CRTAP: variants seen among roughly 807,000 people sequenced by gnomAD.
CRTAP encodes cartilage-associated protein.
Under a neutral mutation model 42.7 loss-of-function variants are expected in CRTAP, and 33 were observed. The ratio of observed to expected loss-of-function variants is 0.77; its 90% CI spans 0.59 to 1.03. The LOEUF (loss-of-function observed/expected upper bound fraction) is 1.03, where lower values mean the gene tolerates loss of function less well. Ranked by LOEUF, CRTAP falls within the 50% of genes least tolerant of loss-of-function variation. CRTAP has a pLI of 0.00. For missense variants in CRTAP, 613 were observed against 533.9 expected, an observed-to-expected ratio of 1.15 and a Z score of -1.46; for synonymous variants, 243 against 217.7, an observed-to-expected ratio of 1.12 and a Z score of -1.02.
Position 33,125,576 on chromosome 3 carries a change from G to C in CRTAP, c.793+997G>C, listed in dbSNP as rs1408981915. ...ACATACACAAAAAACAGAGAGAAGA[G>C]TAGATAAACCACCATGTACCCATGA... On this transcript the variant is annotated intron_variant, in intron 3 of 6. Transcript: ENST00000320954. Among the ~76,000 whole-genome samples the C allele has an allele frequency of 1.2e-4, 16 of 131,702 alleles. 1 individual carries two copies. Among genetic ancestry groups the C allele is most frequent in the Admixed American group, 9.6e-4 (11 of 11,430 alleles). The allele number at this position is 131,702 out of a possible 152,430, so 86.4% of individuals were successfully genotyped here. A position where few individuals can be genotyped will look rare whatever the true frequency, so the allele number is the denominator to read the frequency against.
Position 33,144,599 on chromosome 3 carries a change from T to G in CRTAP, c.*2151T>G, listed in dbSNP as rs2030671800. 6.6e-6 allele frequency: 1 copy of G among 152,236 alleles called. No individual in the cohort carries two copies. The highest frequency in any genetic ancestry group is 2.1e-4 in the South Asian group (1 of 4,814). 9.4% of individuals were successfully genotyped at this position (152,236 alleles called of 1,614,324 possible). A position where few individuals can be genotyped will look rare whatever the true frequency, so the allele number is the denominator to read the frequency against. On this transcript the variant is annotated 3_prime_UTR_variant, in exon 7 of 7. Coordinates refer to ENST00000320954, the MANE Select transcript of CRTAP (RefSeq NM_006371.5). ...GGCATCTGGCAGCTACCATGCATGG[T>G]AGTGTGTTGGGGGTGGGGGTCCTGG...
At chr3:33,142,343 T>A in intron 6 of CRTAP, 52 bp from the exon 7 acceptor site, 1 of 1,518,204 alleles carries the variant, frequency 6.6e-7, no homozygotes, top group Non-Finnish European at 9.2e-7. Context: ...TCATCAGTAC[T>A]TTTAAAAGTC....
intron 1 of CRTAP, 152 bp from the exon 2 acceptor site, chr3:33,120,192 C>A: frequency 1.4e-6 from 1 of 739,238 alleles, no homozygotes; most frequent in South Asian, 1.5e-5. Flanking sequence ...AGTGCCTGGA[C>A]TTGGTCTTGA....
Position 33,132,550 on chromosome 3 carries a change from C to T in CRTAP, c.923-5C>T, listed in dbSNP as rs2030296394. On this transcript the variant is annotated splice_polypyrimidine_tract_variant and splice_region_variant and intron_variant, in intron 4 of 6. Transcript: ENST00000320954. Reference sequence around the variant, plus strand: ...TCTTCATTTGTCTTTTCTTCCCAACCCTAGTGAACGACCTGAAGAATGCAG... The same window carrying T: ...TCTTCATTTGTCTTTTCTTCCCAACTCTAGTGAACGACCTGAAGAATGCAG... 1.2e-6 allele frequency: 2 copies of T among 1,613,938 alleles called. No homozygotes were observed. The highest frequency in any genetic ancestry group is 1.7e-5 in the Admixed American group (1 of 60,016).
chr3:33,123,421 A>T (rs2029953223), intron 2 of CRTAP, among the ~76,000 whole-genome samples: 1 of 150,402 alleles, frequency 6.6e-6, no homozygotes, highest in Non-Finnish European at 1.5e-5. Flanking sequence ...TTATCATGAG[A>T]CCTAGTTGTT....
At chr3:33,140,873 C>T (rs2030551709) in intron 6 of CRTAP, among the ~76,000 whole-genome samples, 2 of 152,204 alleles carry the variant, frequency 1.3e-5, no homozygotes, top group African/African-American at 4.8e-5. Context: ...CGCCTGCTCC[C>T]ATGGGGGACT....
Position 33,114,027 on chromosome 3 carries a change from CT to C in CRTAP, c.-50del. On this transcript the variant is annotated 5_prime_UTR_variant, in exon 1 of 7. Transcript: ENST00000320954. ...ACCGTCCTCTTTCCTTTCCTTCTCC[CT>C]CCCCTTTTCCCTTCCTTCGTCCCTT... 1 of 1,350,938 alleles carries C rather than the reference CT, an allele frequency of 7.4e-7. No homozygotes were observed. The highest frequency in any genetic ancestry group is 9.7e-7 in the Non-Finnish European group (1 of 1,027,096). 83.7% of individuals were successfully genotyped at this position (1,350,938 alleles called of 1,614,324 possible). A position where few individuals can be genotyped will look rare whatever the true frequency, so the allele number is the denominator to read the frequency against.
intron 3 of CRTAP, among the ~76,000 whole-genome samples, chr3:33,129,389 A>G (rs966631599): frequency 6.6e-6 from 1 of 152,072 alleles, no homozygotes; most frequent in African/African-American, 2.4e-5. Context: ...GTGTCTCTCA[A>G]TGTTTTTTAG....
chr3:33,136,270 T>G (rs1350578980), intron 6 of CRTAP, among the ~76,000 whole-genome samples: 1 of 152,262 alleles, frequency 6.6e-6, no homozygotes, highest in Non-Finnish European at 1.5e-5. Flanking sequence ...TTCTTTTGGA[T>G]GTACCGCATT....
chr3:33,135,421 G>A (rs2030391515), intron 6 of CRTAP, among the ~76,000 whole-genome samples: 1 of 152,166 alleles, frequency 6.6e-6, no homozygotes, highest in Admixed American at 6.5e-5. Flanking sequence ...GAGACCAGGA[G>A]TTCAAGACCA....
At chr3:33,121,561 T>C (rs2029880222) in intron 2 of CRTAP, among the ~76,000 whole-genome samples, 1 of 152,100 alleles carries the variant, frequency 6.6e-6, no homozygotes, top group Non-Finnish European at 1.5e-5. Flanking sequence ...AAGTCTCTTT[T>C]TGGGGGTATC....
intron 6 of CRTAP, among the ~76,000 whole-genome samples, chr3:33,134,753 T>C (rs2030373127): frequency 6.6e-6 from 1 of 152,236 alleles, no homozygotes; most frequent in Non-Finnish European, 1.5e-5. Flanking sequence ...CAACTGGTTA[T>C]GGAGTGGTCA....
chr3:33,120,970 CGAA>C (rs1301499606), intron 2 of CRTAP, among the ~76,000 whole-genome samples: 17 of 152,166 alleles, frequency 1.1e-4, no homozygotes, highest in African/African-American at 2.4e-4. Flanking sequence ...TGCGCATCTA[CGAA>C]GAAGAGTTTT....
At chr3:33,135,771 A>G (rs1028047712) in intron 6 of CRTAP, among the ~76,000 whole-genome samples, 4 of 152,002 alleles carry the variant, frequency 2.6e-5, no homozygotes, top group Non-Finnish European at 5.9e-5. Flanking sequence ...GTTTTTCTAC[A>G]TATTTATTAT....
At chr3:33,125,598 A>C (rs1217683823) in intron 3 of CRTAP, among the ~76,000 whole-genome samples, 1 of 145,064 alleles carries the variant, frequency 6.9e-6, no homozygotes, top group Non-Finnish European at 1.5e-5. Context: ...CCATGTACCC[A>C]TGACCCAACT....
intron 1 of CRTAP, among the ~76,000 whole-genome samples, chr3:33,119,641 G>T (rs752165917): frequency 2.0e-5 from 3 of 152,206 alleles, no homozygotes; most frequent in Non-Finnish European, 4.4e-5. Context: ...AGGTCTGTGG[G>T]GGATTTGGGA....
At position 33,120,502 on chromosome 3, in the gene CRTAP, G is replaced by A; in HGVS notation, c.621+9G>A. The A allele has an allele frequency of 6.2e-7, 1 of 1,601,138 alleles. No homozygotes were observed. Among genetic ancestry groups the A allele is most frequent in the Non-Finnish European group, 8.5e-7 (1 of 1,173,170 alleles). ...AAACCAAGTCATATGAAGTATGTTT[G>A]GATTTTTATGTGGCAGTTAGTGGCA... On this transcript the variant is annotated intron_variant, in intron 2 of 6. Coordinates refer to ENST00000320954, the MANE Select transcript of CRTAP (RefSeq NM_006371.5).
chr3:33,141,736 G>A (rs2030577147), intron 6 of CRTAP, among the ~76,000 whole-genome samples: 1 of 152,212 alleles, frequency 6.6e-6, no homozygotes, highest in Admixed American at 6.5e-5. Context: ...TCAATGTGGA[G>A]AAAGAAATTG....
At position 33,147,718 on chromosome 3, in the gene CRTAP, AAAC is replaced by A. The variant is rs2030758360; in HGVS notation, c.*5273_*5275del. 1.3e-5 allele frequency: 2 copies of A among 152,334 alleles called. No homozygotes were observed. Among genetic ancestry groups the A allele is most frequent in the Admixed American group, 1.3e-4 (2 of 15,302 alleles). The allele number at this position is 152,334 out of a possible 1,614,324, so 9.4% of individuals were successfully genotyped here. A position where few individuals can be genotyped will look rare whatever the true frequency, so the allele number is the denominator to read the frequency against. On this transcript the variant is annotated 3_prime_UTR_variant, in exon 7 of 7. Coordinates refer to ENST00000320954, the MANE Select transcript of CRTAP (RefSeq NM_006371.5). ...TTGTTGAAAATTAGAAAATAGTTGA[AAAC>A]AAAAGGTTTTTGTTTTTCTTTTTAA...
Sources: allele counts gnomAD v4.1 joint callset (sites outside exome capture counted in the v4.1 genomes callset), GRCh38; gene constraint gnomAD v4.1.1; transcripts MANE v1.5; gene names NCBI Gene and HGNC (gene_info 2026-07-23, HGNC 2026-07-21).